Variants in EPHB3 observed in about 807,000 individuals in gnomAD.
EPHB3 encodes the protein ephrin type-B receptor 3.
Under a neutral mutation model 100.2 loss-of-function variants are expected in EPHB3, and 33 were observed. The ratio of observed to expected loss-of-function variants is 0.33; its 90% confidence interval spans 0.25 to 0.44. The LOEUF (loss-of-function observed/expected upper bound fraction) is 0.44. Ranked by LOEUF, EPHB3 falls within the 20% of genes least tolerant of loss-of-function variation. EPHB3 has a pLI of 1.00. For synonymous variants in EPHB3, 526 were observed against 554.7 expected (o/e 0.95, Z 0.73); for missense variants, 1,045 against 1,378.3 (o/e 0.76, Z 3.83).
rs1163092578 is a variant in EPHB3, at chr3:184,578,455, TGCAGCAGTAC to T, written c.1791_1800del (p.Gln598LeufsTer5). 6.2e-7 allele frequency: 1 copy of T among 1,613,774 alleles called. No homozygotes were observed. The highest frequency in any genetic ancestry group is 1.3e-5 in the African/African-American group (1 of 74,910). On this transcript the variant is annotated frameshift_variant and splice_region_variant, in exon 9 of 16. Transcript: ENST00000330394. LOFTEE classifies it high-confidence loss of function. The surrounding 1 kb of genome is among the most constrained non-coding windows in gnomAD (Gnocchi z 4.7). ...TCTGATTCGGAGTACACGGAGAAGC[TGCAGCAGTAC>T]AGTGAGTTTGTCCCCGCCGCCCTCC...
Position 184,562,256 on chromosome 3 carries a change from G to C in EPHB3, c.21G>C (p.Pro7=). Residue 7 remains proline (P), a synonymous_variant, in exon 1 of 16, where the codon CCG becomes CCC. Transcript: ENST00000330394. This position sits in a 1 kb window ranked among gnomAD's most constrained non-coding sequence, Gnocchi z 4.8. MARARP[P]PPPSPPPGLL... ...CGGCCATGGCCAGAGCCCGCCCGCC[G>C]CCGCCGCCGTCGCCGCCGCCGGGGC... 1 of 1,116,118 alleles carries C rather than the reference G, an allele frequency of 9.0e-7. No homozygotes were observed. The highest frequency in any genetic ancestry group is 1.1e-6 in the Non-Finnish European group (1 of 894,784). The allele number at this position is 1,116,118 out of a possible 1,614,324, so 69.1% of individuals were successfully genotyped here. A position where few individuals can be genotyped will look rare whatever the true frequency, so the allele number is the denominator to read the frequency against.
chr3:184,574,345 A>C (rs1246703462), intron 3 of EPHB3, among the ~76,000 whole-genome samples: 1 of 152,200 alleles, frequency 6.6e-6, no homozygotes, highest in Non-Finnish European at 1.5e-5. Context: ...ACTGAGCCTC[A>C]CCAGTCCTTG....
intron 1 of EPHB3, among the ~76,000 whole-genome samples, chr3:184,564,672 G>C (rs544056446): frequency 2.6e-4 from 39 of 152,302 alleles, no homozygotes; most frequent in Admixed American, 2.3e-3. Flanking sequence ...GGTGCAGGGG[G>C]CTGGGGGTGG....
At position 184,575,838 on chromosome 3, in the gene EPHB3, C is replaced by T; in HGVS notation, c.865C>T (p.Pro289Ser). The change falls in exon 4 of 16, where the codon CCT becomes TCT. Residue 289 changes from proline (P) to serine (S), a missense_variant. This residue lies in a region of EPHB3 where 985 missense variants were observed against 1,331.1 expected (regional missense o/e 0.74). Transcript: ENST00000330394. ...CCTCTTCTCTCCCACAGCCTGTCCC[C>T]CTGGGAGCTACAAGGCGAAGCAGGG... ...AKESQCRPCP[P>S]GSYKAKQGEG... 4.4e-6 allele frequency: 7 copies of T among 1,606,122 alleles called. No individual in the cohort carries two copies. Among genetic ancestry groups the T allele is most frequent in the Non-Finnish European group, 6.0e-6 (7 of 1,175,994 alleles).
rs1714482869 is a variant in EPHB3 at position 184,569,359 on chromosome 3, G to A, written c.119-1959G>A. ...CGCGTCTCTCGGTCTCCCTGTCTTTGTAGTCAGCCGCCGGCCATCCCGGCT... is the reference window on the plus strand; with the variant it reads ...CGCGTCTCTCGGTCTCCCTGTCTTTATAGTCAGCCGCCGGCCATCCCGGCT... On this transcript the variant is annotated intron_variant, in intron 1 of 15. Coordinates refer to ENST00000330394, the MANE Select transcript of EPHB3 (RefSeq NM_004443.4). The surrounding 1 kb of genome is among the most constrained non-coding windows in gnomAD (Gnocchi z 5.4). Among the ~76,000 whole-genome samples the A allele has an allele frequency of 6.6e-6, 1 of 152,044 alleles. No individual in the cohort carries two copies. The highest frequency in any genetic ancestry group is 1.5e-5 in the Non-Finnish European group (1 of 67,992).
rs1236612812 is a variant in EPHB3 at position 184,571,009 on chromosome 3, G to A, written c.119-309G>A. On this transcript the variant is annotated intron_variant, in intron 1 of 15. Transcript: ENST00000330394. This position sits in a 1 kb window ranked among gnomAD's most constrained non-coding sequence, Gnocchi z 5.0. ...CTCTCTCTGTTGCCCAGGGTGGAGT[G>A]CAGTAGTGCAATCTCGGCTCACTGC... Among the ~76,000 whole-genome samples, 1 of 150,388 alleles carries A rather than the reference G, an allele frequency of 6.6e-6. No individual in the cohort carries two copies. Among genetic ancestry groups the A allele is most frequent in the African/African-American group, 2.5e-5 (1 of 40,770 alleles).
chr3:184,570,702 GC>G (rs1714516707), intron 1 of EPHB3, among the ~76,000 whole-genome samples: 1 of 152,210 alleles, frequency 6.6e-6, no homozygotes. Flanking sequence ...CAGGATAAAG[GC>G]CCTGCCGGCC....
chr3:184,568,373 C>T (rs1387011234), intron 1 of EPHB3, among the ~76,000 whole-genome samples: 1 of 152,172 alleles, frequency 6.6e-6, no homozygotes, highest in South Asian at 2.1e-4. Context: ...CATGGCAGGA[C>T]GGCGAGGGAT....
chr3:184,565,359 G>A lies in EPHB3; in HGVS notation c.118+3006G>A, dbSNP rs1313359887. On this transcript the variant is annotated intron_variant, in intron 1 of 15. Transcript: ENST00000330394. The surrounding 1 kb of genome is among the most constrained non-coding windows in gnomAD (Gnocchi z 4.8). Reference sequence around the variant, plus strand: ...AGGACCATCAACGGGTCAGGGGGTGGGGTCCAATGGGGAACAGACTAGGAA... The same window carrying A: ...AGGACCATCAACGGGTCAGGGGGTGAGGTCCAATGGGGAACAGACTAGGAA... Among the ~76,000 whole-genome samples, 2 of 152,180 alleles carry A rather than the reference G, an allele frequency of 1.3e-5. No homozygotes were observed. Among genetic ancestry groups the A allele is most frequent in the Admixed American group, 6.5e-5 (1 of 15,290 alleles).
chr3:184,572,957 G>T lies in EPHB3; in HGVS notation c.637G>T (p.Ala213Ser). ...CGTGCGCGCCTTCTACAAGAAGTGT[G>T]CATCCACCACCGCAGGCTTCGCACT... ...ISVRAFYKKCASTTAGFALFP... is the reference protein window; with the variant it reads ...ISVRAFYKKCSSTTAGFALFP... The change falls in exon 3 of 16, where the codon GCA (alanine) becomes TCA (serine). Residue 213 changes from alanine (A) to serine (S), a missense_variant. Ala to Ser is a moderately conservative substitution (Grantham distance 99). Transcript: ENST00000330394. This position sits in a 1 kb window ranked among gnomAD's most constrained non-coding sequence, Gnocchi z 6.6. 1 of 1,587,910 alleles carries T rather than the reference G, an allele frequency of 6.3e-7. No individual in the cohort carries two copies. The highest frequency in any genetic ancestry group is 8.6e-7 in the Non-Finnish European group (1 of 1,165,660).
Position 184,572,252 on chromosome 3 carries a change from G to A in EPHB3, c.184-252G>A, listed in dbSNP as rs754598315. Among the ~76,000 whole-genome samples, 5 of 152,186 alleles carry A rather than the reference G, an allele frequency of 3.3e-5. No homozygotes were observed. The highest frequency in any genetic ancestry group is 7.3e-5 in the Non-Finnish European group (5 of 68,048). On this transcript the variant is annotated intron_variant, in intron 2 of 15. Transcript: ENST00000330394. The surrounding 1 kb of genome is among the most constrained non-coding windows in gnomAD (Gnocchi z 6.6). Reference sequence around the variant, plus strand: ...GTCCTAAATGCTTTATTCAGTTAAAGTCATTATTCCTTACACATCTTTATT... The same window carrying A: ...GTCCTAAATGCTTTATTCAGTTAAAATCATTATTCCTTACACATCTTTATT...
In EPHB3 at chr3:184,563,814, C is replaced by T. The variant is rs1386016801; in HGVS notation, c.118+1461C>T. Reference sequence around the variant, plus strand: ...CAGATCTGTGTCTGGGTCTCTGTGTCGTAGTCCAGGAGAGGCGACACTGGT... The same window carrying T: ...CAGATCTGTGTCTGGGTCTCTGTGTTGTAGTCCAGGAGAGGCGACACTGGT... On this transcript the variant is annotated intron_variant, in intron 1 of 15. Transcript: ENST00000330394. This position sits in a 1 kb window ranked among gnomAD's most constrained non-coding sequence, Gnocchi z 4.1. Among the ~76,000 whole-genome samples the T allele has an allele frequency of 6.6e-6, 1 of 152,180 alleles. No individual in the cohort carries two copies. The highest frequency in any genetic ancestry group is 1.5e-5 in the Non-Finnish European group (1 of 68,036).
chr3:184,572,443 C>G lies in EPHB3; in HGVS notation c.184-61C>G. The stretch of plus-strand genomic sequence containing the variant: ...GAAGTAAATAGAGCAGATCTGGGCA[C>G]GAGGGAAGCACTTGGCAAATGCAGG... On this transcript the variant is annotated intron_variant, in intron 2 of 15. Coordinates refer to ENST00000330394, the MANE Select transcript of EPHB3 (RefSeq NM_004443.4). The surrounding 1 kb of genome is among the most constrained non-coding windows in gnomAD (Gnocchi z 6.6). 6.6e-7 allele frequency: 1 copy of G among 1,505,868 alleles called. No homozygotes were observed. The highest frequency in any genetic ancestry group is 8.8e-7 in the Non-Finnish European group (1 of 1,131,210). 93.3% of individuals were successfully genotyped at this position (1,505,868 alleles called of 1,614,324 possible). A position where few individuals can be genotyped will look rare whatever the true frequency, so the allele number is the denominator to read the frequency against.
intron 1 of EPHB3, among the ~76,000 whole-genome samples, chr3:184,568,683 G>A (rs946295576): frequency 6.6e-6 from 1 of 151,742 alleles, no homozygotes; most frequent in African/African-American, 2.4e-5. Context: ...TCTGTGCCTG[G>A]GCAGGCTGAA....
chr3:184,577,831 TG>T lies in EPHB3; in HGVS notation c.1639+15del, dbSNP rs781706849. 3.1e-6 allele frequency: 5 copies of T among 1,605,562 alleles called. No individual in the cohort carries two copies. In the South Asian group the frequency reaches 5.5e-5, roughly 18 times the overall value. On this transcript the variant is annotated intron_variant, in intron 7 of 15. Transcript: ENST00000330394. This position sits in a 1 kb window ranked among gnomAD's most constrained non-coding sequence, Gnocchi z 4.9. ...CAAGTGAGAGAGGTTAGTAGCCCCC[TG>T]CGCCTGTCCCCATCGCGGCCCTCAC... is the stretch of plus-strand genomic sequence containing the variant.
At position 184,578,285 on chromosome 3, in the gene EPHB3, C is replaced by T; in HGVS notation, c.1749-129C>T. On this transcript the variant is annotated intron_variant, in intron 8 of 15. Coordinates refer to ENST00000330394, the MANE Select transcript of EPHB3 (RefSeq NM_004443.4). This position sits in a 1 kb window ranked among gnomAD's most constrained non-coding sequence, Gnocchi z 4.7. ...GACACCCAGAGACTGCTGTGACCAC[C>T]AATTGTGGGACTAGGCCCCAGGCCA... 5.1e-6 allele frequency: 7 copies of T among 1,360,140 alleles called. No individual in the cohort carries two copies. The South Asian group carries it at 7.8e-5, about 15-fold the overall frequency. The allele number at this position is 1,360,140 out of a possible 1,614,324, so 84.3% of individuals were successfully genotyped here.
intron 11 of EPHB3, 74 bp downstream of exon 11, chr3:184,580,008 A>C: frequency 6.4e-7 from 1 of 1,557,274 alleles, no homozygotes; most frequent in Non-Finnish European, 8.7e-7. Flanking sequence ...CCCACAAGTC[A>C]GACAGCCCCT....
Position 184,573,265 on chromosome 3 carries a change from CTG to C in EPHB3, c.856+90_856+91del. On this transcript the variant is annotated intron_variant, in intron 3 of 15. Coordinates refer to ENST00000330394, the MANE Select transcript of EPHB3 (RefSeq NM_004443.4). This position sits in a 1 kb window ranked among gnomAD's most constrained non-coding sequence, Gnocchi z 4.5. ...CCCGCCCCCCACCCCTGCTTGCTAT[CTG>C]ACTAGGAGGTCTGGGAGCAGGTCCA... The C allele has an allele frequency of 6.5e-7, 1 of 1,530,734 alleles. No individual in the cohort carries two copies. The highest frequency in any genetic ancestry group is 8.8e-7 in the Non-Finnish European group (1 of 1,133,796). The allele number at this position is 1,530,734 out of a possible 1,614,324, so 94.8% of individuals were successfully genotyped here. A position where few individuals can be genotyped will look rare whatever the true frequency, so the allele number is the denominator to read the frequency against.
Position 184,580,388 on chromosome 3 carries a change from C to T in EPHB3, c.2173-14C>T, listed in dbSNP as rs1436917383. 6.2e-7 allele frequency: 1 copy of T among 1,614,162 alleles called. No homozygotes were observed. Among genetic ancestry groups the T allele is most frequent in the Non-Finnish European group, 8.5e-7 (1 of 1,179,992 alleles). On this transcript the variant is annotated splice_polypyrimidine_tract_variant and intron_variant, in intron 11 of 15. Transcript: ENST00000330394. ...GGAGCAATGGGCTCACCTGAGCCTG[C>T]TTGTTGCCTGCAGCTCAACGATGGG... is the stretch of plus-strand genomic sequence containing the variant.
Sources: allele counts gnomAD v4.1 joint callset (sites outside exome capture counted in the v4.1 genomes callset), GRCh38; gene constraint gnomAD v4.1.1; regional missense constraint gnomAD v4.1.1; non-coding constraint Gnocchi (gnomAD v3.1); transcripts MANE v1.5; gene names NCBI Gene and HGNC (gene_info 2026-07-23, HGNC 2026-07-21).